PCDH15: variants seen among roughly 807,000 people sequenced by gnomAD.
PCDH15 encodes the protein protocadherin-15.
In PCDH15, 129 loss-of-function variants were observed where a neutral mutation model predicts 178.5. The ratio of observed to expected loss-of-function variants is 0.72; its 90% confidence interval spans 0.63 to 0.84. PCDH15 has a LOEUF of 0.84. Ranked by LOEUF, PCDH15 falls within the 40% of genes least tolerant of loss-of-function variation. The probability of loss-of-function intolerance (pLI) is 0.00; values close to 1 mark genes in which losing one functional copy is unlikely to be tolerated. For synonymous variants in PCDH15, 800 were observed against 732.0 expected (o/e 1.09, Z -1.50); for missense variants, 2,230 against 2,099.9 (o/e 1.06, Z -1.21).
intron 21 of PCDH15, among the ~76,000 whole-genome samples, chr10:53,987,243 T>A (rs143268264): frequency 1.6e-3 from 239 of 152,144 alleles, no homozygotes; most frequent in African/African-American, 5.5e-3. Context: ...CGAAACATCA[T>A]CTATATAGCT....
intron 1 of PCDH15, among the ~76,000 whole-genome samples, chr10:55,191,479 C>T (rs1217860820): frequency 6.6e-6 from 1 of 151,676 alleles, no homozygotes; most frequent in African/African-American, 2.4e-5. Context: ...CTCAGGAATG[C>T]AAGATTAGGA....
chr10:55,314,415 A>G (rs1437934413), intron 1 of PCDH15, among the ~76,000 whole-genome samples: 1 of 152,042 alleles, frequency 6.6e-6, no homozygotes, highest in African/African-American at 2.4e-5. Context: ...CAGCTGAGAT[A>G]GAGGCAGAGT....
At chr10:54,958,245 T>TC (rs34600216) in intron 2 of PCDH15, among the ~76,000 whole-genome samples, 52,107 of 151,566 alleles carry the variant, frequency 0.34, 9,855 homozygotes, top group Non-Finnish European at 0.44. Context: ...CTCTTTTTTT[T>TC]CTCTTGGTAA....
At chr10:55,076,430 GTT>G (rs35278239) in intron 2 of PCDH15, among the ~76,000 whole-genome samples, 3 of 138,934 alleles carry the variant, frequency 2.2e-5, no homozygotes, top group Middle Eastern at 3.8e-3. Context: ...CTCTTGCTGT[GTT>G]TTTTTTTTTT....
chr10:55,341,805 A>ATATAT (rs1565032576), intron 2 of PCDH15, among the ~76,000 whole-genome samples: 1 of 16,328 alleles, frequency 6.1e-5, no homozygotes, highest in East Asian at 2.1e-3. Flanking sequence ...ATATATATAT[A>ATATAT]TTTTTTTTTT....
chr10:55,484,329 T>G (rs1840252519), intron 2 of PCDH15, among the ~76,000 whole-genome samples: 1 of 151,736 alleles, frequency 6.6e-6, no homozygotes, highest in South Asian at 2.1e-4. Flanking sequence ...AAAAGTTGTC[T>G]ATAAAAATTA....
intron 1 of PCDH15, among the ~76,000 whole-genome samples, chr10:54,766,075 T>C (rs1948478857): frequency 6.6e-6 from 1 of 152,132 alleles, no homozygotes; most frequent in Non-Finnish European, 1.5e-5. Context: ...ACATTGTATA[T>C]CTTCTAGTTG....
intron 2 of PCDH15, among the ~76,000 whole-genome samples, chr10:55,348,298 T>C (rs1844816547): frequency 6.6e-6 from 1 of 152,202 alleles, no homozygotes. Context: ...ACATATAGAA[T>C]ATTTGCATCA....
chr10:53,896,061 TA>T (rs1225025816), intron 26 of PCDH15, among the ~76,000 whole-genome samples: 1 of 152,188 alleles, frequency 6.6e-6, no homozygotes, highest in Non-Finnish European at 1.5e-5. Flanking sequence ...ATCTACTGCA[TA>T]AATCAATGTT....
chr10:54,842,138 C>G (rs1953429734), intron 3 of PCDH15, among the ~76,000 whole-genome samples: 2 of 151,198 alleles, frequency 1.3e-5, no homozygotes, highest in Admixed American at 1.3e-4. Flanking sequence ...AATTTCAAAT[C>G]TGTCAAGCTA....
Position 55,184,039 on chromosome 10 carries a change from G to C in PCDH15, c.-155-17388C>G, listed in dbSNP as rs1165033564. 2.0e-5 allele frequency among the ~76,000 whole-genome samples: 3 copies of C among 151,852 alleles called. 1 individual carries two copies. Among genetic ancestry groups the C allele is most frequent in the African/African-American group, 7.3e-5 (3 of 41,376 alleles). On this transcript the variant is annotated intron_variant, in intron 1 of 5. Coordinates refer to the PCDH15 transcript ENST00000458638. ...CCTCTCTTTTTCTGATGCTTTCCAGGAGCCGTATAACTCTTGGTAATATTT... is the reference window on the plus strand; with the variant it reads ...CCTCTCTTTTTCTGATGCTTTCCAGCAGCCGTATAACTCTTGGTAATATTT...
chr10:55,440,712 C>G (rs1340442513), intron 2 of PCDH15, among the ~76,000 whole-genome samples: 1 of 152,006 alleles, frequency 6.6e-6, no homozygotes, highest in African/African-American at 2.4e-5. Flanking sequence ...AAAAGCACTC[C>G]GGGCATGTAT....
chr10:54,130,725 T>C (rs1342154906), intron 15 of PCDH15, among the ~76,000 whole-genome samples: 1 of 152,200 alleles, frequency 6.6e-6, no homozygotes, highest in Non-Finnish European at 1.5e-5. Flanking sequence ...TTCAAAACTA[T>C]ATTTCCCCTC....
At chr10:54,775,384 T>C (rs1401656850) in intron 1 of PCDH15, among the ~76,000 whole-genome samples, 1 of 152,182 alleles carries the variant, frequency 6.6e-6, no homozygotes, top group Non-Finnish European at 1.5e-5. Flanking sequence ...TACATGTTTA[T>C]GGAGTACATA....
At chr10:55,319,365 A>G (rs1843822780) in intron 1 of PCDH15, among the ~76,000 whole-genome samples, 1 of 152,172 alleles carries the variant, frequency 6.6e-6, no homozygotes, top group Non-Finnish European at 1.5e-5. Context: ...GAACAAGGAG[A>G]AAACAAAGGA....
rs547982997 is a variant in PCDH15, at chr10:55,344,407, T to G, written c.-155-177756A>C. ...TTCAGGGGAAAGCAGAGAGATAAAT[T>G]AGGAGTTTATTGCAGTAATTTAAAG... On this transcript the variant is annotated intron_variant, in intron 2 of 5. Transcript: ENST00000613346. 1.9e-3 allele frequency among the ~76,000 whole-genome samples: 284 copies of G among 152,082 alleles called. 2 individuals are homozygous for G. The highest frequency in any genetic ancestry group is 6.6e-3 in the African/African-American group (272 of 41,518).
intron 2 of PCDH15, among the ~76,000 whole-genome samples, chr10:55,462,334 C>G (rs1419032112): frequency 1.3e-5 from 2 of 152,214 alleles, no homozygotes; most frequent in East Asian, 3.9e-4. Context: ...ACAGGTCCTT[C>G]TGGATTTTTC....
At chr10:54,028,603 C>T in intron 18 of PCDH15, among the ~76,000 whole-genome samples, 1 of 148,494 alleles carries the variant, frequency 6.7e-6, no homozygotes, top group Non-Finnish European at 1.5e-5. Flanking sequence ...GAATACTATG[C>T]AGCCATAAAA....
At chr10:54,703,911 A>T (rs1168233817) in intron 1 of PCDH15, among the ~76,000 whole-genome samples, 1 of 152,168 alleles carries the variant, frequency 6.6e-6, no homozygotes, top group Non-Finnish European at 1.5e-5. Flanking sequence ...GCAGACACAT[A>T]GACCAATGGG....
Sources: allele counts gnomAD v4.1 joint callset (sites outside exome capture counted in the v4.1 genomes callset), GRCh38; gene constraint gnomAD v4.1.1; transcripts MANE v1.5; gene names NCBI Gene and HGNC (gene_info 2026-07-23, HGNC 2026-07-21).